The following HS2ST1 variants were observed in gnomAD, a reference collection of about 807,000 sequenced individuals.
HS2ST1 encodes the protein 2-O-sulfotransferase.
In HS2ST1, 18 loss-of-function variants were observed where a neutral mutation model predicts 42.9. The observed-to-expected ratio is 0.42, with a 90% CI of 0.29 to 0.62. The LOEUF is 0.62. HS2ST1 is among the 20% of genes least tolerant of loss of function. HS2ST1 has a pLI of 0.21. For synonymous variants in HS2ST1, 146 were observed against 152.9 expected (o/e 0.95, Z 0.33); for missense variants, 334 against 433.8 (o/e 0.77, Z 2.04).
chr1:87,040,498 G>A (rs1361989161), intron 1 of HS2ST1, among the ~76,000 whole-genome samples: 2 of 152,110 alleles, frequency 1.3e-5, no homozygotes, highest in African/African-American at 4.8e-5. Flanking sequence ...GGTTTTGCAG[G>A]GAGCTTGTGG....
At chr1:87,010,295 A>ATT (rs564173347) in intron 1 of HS2ST1, among the ~76,000 whole-genome samples, 2 of 145,356 alleles carry the variant, frequency 1.4e-5, no homozygotes, top group Admixed American at 6.9e-5. Context: ...GAGAAGCACA[A>ATT]TTTTTTTTTT....
intron 1 of HS2ST1, among the ~76,000 whole-genome samples, 156 bp downstream of exon 1, chr1:86,915,316 C>T (rs139526439): frequency 6.6e-6 from 1 of 152,334 alleles, no homozygotes; most frequent in African/African-American, 2.4e-5. Flanking sequence ...AGAGCACGAG[C>T]TCCAAGAATG....
At chr1:86,965,782 T>A (rs578242167) in intron 1 of HS2ST1, among the ~76,000 whole-genome samples, 3 of 152,258 alleles carry the variant, frequency 2.0e-5, no homozygotes, top group East Asian at 3.9e-4. Context: ...AATGGATTTT[T>A]AAAAAATAGC....
chr1:86,957,921 T>G (rs911145702), intron 1 of HS2ST1, among the ~76,000 whole-genome samples: 7 of 152,092 alleles, frequency 4.6e-5, no homozygotes, highest in African/African-American at 1.4e-4. Context: ...GCCTCCTGAG[T>G]AGCTGGGATT....
intron 1 of HS2ST1, among the ~76,000 whole-genome samples, chr1:86,966,922 G>T: frequency 6.8e-6 from 1 of 146,522 alleles, no homozygotes. Context: ...GCGGAATTTC[G>T]CTCTTGTTGC....
intron 1 of HS2ST1, among the ~76,000 whole-genome samples, chr1:86,955,662 T>C (rs1647657181): frequency 6.6e-6 from 1 of 152,140 alleles, no homozygotes; most frequent in Admixed American, 6.5e-5. Context: ...TTGGCTTCTT[T>C]TGGTTTTCTT....
At position 87,045,863 on chromosome 1, in the gene HS2ST1, C is replaced by G. The variant is rs954344966; in HGVS notation, c.125-27071C>G. On this transcript the variant is annotated intron_variant, in intron 1 of 6. Transcript: ENST00000370550. ...CCCCCTTTTCTGCTAAATGAACTCT[C>G]AGAGTCTCAGTGCTGTGAGCTCCTT... The G allele has an allele frequency of 3.9e-5, 28 of 711,226 alleles. No individual in the cohort carries two copies. In the African/African-American group the frequency reaches 4.5e-4, roughly 11 times the overall value. The allele number at this position is 711,226 out of a possible 1,614,324, so 44.1% of individuals were successfully genotyped here. A position where few individuals can be genotyped will look rare whatever the true frequency, so the allele number is the denominator to read the frequency against.
intron 1 of HS2ST1, among the ~76,000 whole-genome samples, chr1:86,999,407 A>G (rs886617310): frequency 2.0e-5 from 3 of 152,040 alleles, no homozygotes; most frequent in Non-Finnish European, 4.4e-5. Context: ...CGAACTCCCG[A>G]CTTCAGATGA....
At position 87,104,788 on chromosome 1, in the gene HS2ST1, G is replaced by A. The variant is rs557738797; in HGVS notation, c.*92G>A. 399 of 748,450 alleles carry A rather than the reference G, an allele frequency of 5.3e-4. No individual in the cohort carries two copies. The highest frequency in any genetic ancestry group is 1.4e-3 in the Middle Eastern group (6 of 4,292). 46.4% of individuals were successfully genotyped at this position (748,450 alleles called of 1,614,324 possible). Reference sequence around the variant, plus strand: ...CCACAGTCTGGATTGCTGACAGTAGGTGTATATGACAATTTGTATTGAGCC... The same window carrying A: ...CCACAGTCTGGATTGCTGACAGTAGATGTATATGACAATTTGTATTGAGCC... On this transcript the variant is annotated 3_prime_UTR_variant, in exon 7 of 7. Transcript: ENST00000370550.
chr1:87,106,547 T>G lies in HS2ST1; in HGVS notation c.*1851T>G, dbSNP rs1652328066. 3 of 151,962 alleles carry G rather than the reference T, an allele frequency of 2.0e-5. No individual in the cohort carries two copies. Among genetic ancestry groups the G allele is most frequent in the African/African-American group, 7.2e-5 (3 of 41,404 alleles). The allele number at this position is 151,962 out of a possible 1,614,324, so 9.4% of individuals were successfully genotyped here. A position where few individuals can be genotyped will look rare whatever the true frequency, so the allele number is the denominator to read the frequency against. On this transcript the variant is annotated 3_prime_UTR_variant, in exon 7 of 7. Transcript: ENST00000370550. The stretch of plus-strand genomic sequence containing the variant: ...GGAGGGCATGAGGGAACACTTCTTA[T>G]GAGAAAACATTTATAAACAAAAGAA...
intron 3 of HS2ST1, among the ~76,000 whole-genome samples, chr1:87,088,901 G>C (rs1651875327): frequency 6.6e-6 from 1 of 152,022 alleles, no homozygotes; most frequent in Non-Finnish European, 1.5e-5. Flanking sequence ...TTGCCACTAG[G>C]ATTAGAAAGT....
chr1:86,935,896 C>T (rs1225107544), intron 1 of HS2ST1, among the ~76,000 whole-genome samples: 1 of 152,030 alleles, frequency 6.6e-6, no homozygotes, highest in African/African-American at 2.4e-5. Flanking sequence ...TCATGTGTAT[C>T]CTTCACCCAG....
chr1:87,014,875 A>G (rs1649704359), intron 1 of HS2ST1, among the ~76,000 whole-genome samples: 2 of 152,284 alleles, frequency 1.3e-5, no homozygotes, highest in Admixed American at 6.5e-5. Context: ...TTTAAAAACT[A>G]TTGTCTTCCT....
chr1:87,040,505 GTGGTGCA>G (rs916650055), intron 1 of HS2ST1, among the ~76,000 whole-genome samples: 3 of 152,142 alleles, frequency 2.0e-5, no homozygotes, highest in African/African-American at 7.2e-5. Flanking sequence ...CAGGGAGCTT[GTGGTGCA>G]TGGGGCATGG....
rs1405448406 is a variant in HS2ST1 at position 86,950,153 on chromosome 1, A to G, written c.124+34993A>G. Among the ~76,000 whole-genome samples the G allele has an allele frequency of 3.9e-5, 6 of 152,352 alleles. No individual in the cohort carries two copies. The East Asian group carries it at 7.7e-4, about 20-fold the overall frequency. ...TAACTTAACATCAACATTATGGGAC[A>G]AACTGACGTTACGTATTCCTTGATA... On this transcript the variant is annotated intron_variant, in intron 1 of 6. Transcript: ENST00000370550.
chr1:87,012,255 T>G (rs1649617922), intron 1 of HS2ST1, among the ~76,000 whole-genome samples: 1 of 152,132 alleles, frequency 6.6e-6, no homozygotes, highest in Non-Finnish European at 1.5e-5. Context: ...TACCCGAGAC[T>G]GGTAATTTAT....
chr1:86,991,398 G>C (rs1273937545), intron 1 of HS2ST1, among the ~76,000 whole-genome samples: 7 of 152,136 alleles, frequency 4.6e-5, no homozygotes, highest in Non-Finnish European at 7.3e-5. Flanking sequence ...ACAGAAGTGA[G>C]GTACAGAAAG....
At chr1:87,068,763 G>A (rs754439673) in intron 1 of HS2ST1, among the ~76,000 whole-genome samples, 3 of 152,190 alleles carry the variant, frequency 2.0e-5, no homozygotes, top group East Asian at 1.9e-4. Context: ...TTCTTGTAAC[G>A]CTATATACTA....
chr1:87,049,847 A>T (rs1293854159), intron 1 of HS2ST1, among the ~76,000 whole-genome samples: 3 of 152,070 alleles, frequency 2.0e-5, no homozygotes, highest in Admixed American at 6.5e-5. Context: ...TGTGAGCATG[A>T]TGGTGAAATC....
Sources: gnomAD v4.1 joint callset for allele counts (sites outside exome capture counted in the v4.1 genomes callset) on GRCh38, gnomAD v4.1.1 for gene constraint, MANE v1.5 for transcripts, NCBI Gene and HGNC (gene_info 2026-07-23, HGNC 2026-07-21) for gene names.